MAGI1: variants seen among roughly 807,000 people sequenced by gnomAD.
MAGI1 encodes membrane-associated guanylate kinase, WW and PDZ domain-containing protein 1.
In MAGI1, 58 loss-of-function variants were observed where a neutral mutation model predicts 139.9. The observed-to-expected ratio is 0.41, with a 90% CI of 0.34 to 0.52. The LOEUF is 0.52. Ranked by LOEUF, MAGI1 falls within the 20% of genes least tolerant of loss-of-function variation. The pLI is 0.12. For missense variants in MAGI1, 1,874 were observed against 1,901.6 expected (o/e 0.99, Z 0.27); for synonymous variants, 812 against 737.9 (o/e 1.10, Z -1.63).
At chr3:65,796,679 T>A (rs1048602989) in intron 1 of MAGI1, among the ~76,000 whole-genome samples, 3 of 152,232 alleles carry the variant, frequency 2.0e-5, no homozygotes, top group African/African-American at 7.2e-5. Flanking sequence ...TGAATAATAA[T>A]ATGCTATTCC....
chr3:65,367,683 A>G (rs1941566568), intron 18 of MAGI1, among the ~76,000 whole-genome samples: 1 of 152,150 alleles, frequency 6.6e-6, no homozygotes, highest in African/African-American at 2.4e-5. Context: ...AATGTAGGTA[A>G]TATGTCTAAG....
chr3:65,375,482 C>T (rs995959242), intron 18 of MAGI1, among the ~76,000 whole-genome samples: 5 of 152,130 alleles, frequency 3.3e-5, no homozygotes, highest in African/African-American at 7.2e-5. Context: ...CCACCGCACC[C>T]GGCCTGAAAC....
chr3:65,819,875 C>CAAAAAAAAAAAAAAAAAGAAAAAA (rs2041840668), intron 1 of MAGI1, among the ~76,000 whole-genome samples: 1 of 33,454 alleles, frequency 3.0e-5, no homozygotes, highest in African/African-American at 8.5e-5. Flanking sequence ...GACTCCATCT[C>CAAAAAAAAAAAAAAAAAGAAAAAA]AAAAAAAAAA....
chr3:65,874,268 A>G (rs1302590374), intron 1 of MAGI1: 1 of 152,200 alleles, frequency 6.6e-6, no homozygotes, highest in Non-Finnish European at 1.5e-5. Context: ...CTTGGGAGGT[A>G]AACTCTGTCT....
At chr3:65,846,688 C>A (rs1243091314) in intron 1 of MAGI1, among the ~76,000 whole-genome samples, 2 of 152,072 alleles carry the variant, frequency 1.3e-5, no homozygotes, top group East Asian at 3.9e-4. Context: ...ATTATTGCCA[C>A]CACAGATGGC....
At chr3:65,856,882 G>A (rs746794167) in intron 1 of MAGI1, among the ~76,000 whole-genome samples, 9 of 152,144 alleles carry the variant, frequency 5.9e-5, no homozygotes, top group Admixed American at 5.2e-4. Flanking sequence ...GACGCCTAAC[G>A]GAAGGGGAAC....
At chr3:65,872,602 C>T (rs1262036578) in intron 1 of MAGI1, among the ~76,000 whole-genome samples, 1 of 152,222 alleles carries the variant, frequency 6.6e-6, no homozygotes. Flanking sequence ...TTTATGTCTA[C>T]CAAAACACTC....
chr3:65,626,468 G>A (rs1476694487), intron 1 of MAGI1, among the ~76,000 whole-genome samples: 1 of 152,110 alleles, frequency 6.6e-6, no homozygotes, highest in Non-Finnish European at 1.5e-5. Context: ...GGGACTACAG[G>A]CATGCACCAT....
intron 1 of MAGI1, among the ~76,000 whole-genome samples, chr3:65,909,218 A>G (rs2061559320): frequency 2.0e-5 from 3 of 152,118 alleles, no homozygotes. Context: ...TTATTTCCAT[A>G]GCCCACCTTT....
chr3:66,027,382 C>T (rs2107581072), intron 1 of MAGI1, among the ~76,000 whole-genome samples: 1 of 152,256 alleles, frequency 6.6e-6, no homozygotes, highest in South Asian at 2.1e-4. Flanking sequence ...TAGCTCACTG[C>T]AGCCTCGGAC....
At chr3:66,013,588 C>T (rs1290958379) in intron 1 of MAGI1, among the ~76,000 whole-genome samples, 1 of 151,336 alleles carries the variant, frequency 6.6e-6, no homozygotes, top group Non-Finnish European at 1.5e-5. Flanking sequence ...AGTGAAACTC[C>T]GTCTCTACTA....
chr3:65,413,082 A>T (rs1371670401), intron 12 of MAGI1, among the ~76,000 whole-genome samples: 2 of 73,034 alleles, frequency 2.7e-5, no homozygotes, highest in African/African-American at 1.2e-4. Flanking sequence ...ACACATGCTG[A>T]TGAAAAAAAA....
chr3:66,018,112 G>GT (rs1160900957), intron 1 of MAGI1, among the ~76,000 whole-genome samples: 8 of 121,752 alleles, frequency 6.6e-5, no homozygotes, highest in South Asian at 3.0e-4. Flanking sequence ...GGACACTTTG[G>GT]TGGGGGGGGG....
At chr3:65,802,859 T>TGTGTGTGTGTGTGTGC (rs2040603815) in intron 1 of MAGI1, among the ~76,000 whole-genome samples, 2 of 150,874 alleles carry the variant, frequency 1.3e-5, no homozygotes, top group Non-Finnish European at 3.0e-5. Context: ...TGTGTGTGTG[T>TGTGTGTGTGTGTGTGC]GTGTGTGTGT....
intron 1 of MAGI1, among the ~76,000 whole-genome samples, chr3:65,912,178 G>C (rs2061697430): frequency 6.9e-6 from 1 of 144,306 alleles, no homozygotes; most frequent in Non-Finnish European, 1.5e-5. Flanking sequence ...AGCTATTTAA[G>C]TTTAAATGAA....
chr3:65,913,299 G>C (rs139763748), intron 1 of MAGI1, among the ~76,000 whole-genome samples: 1 of 152,144 alleles, frequency 6.6e-6, no homozygotes, highest in East Asian at 1.9e-4. Flanking sequence ...ACACTTCCAA[G>C]CCATGAAGTT....
At chr3:65,879,027 G>A (rs1482156884) in intron 1 of MAGI1, among the ~76,000 whole-genome samples, 1 of 152,052 alleles carries the variant, frequency 6.6e-6, no homozygotes, top group Non-Finnish European at 1.5e-5. Context: ...GTCAATACAA[G>A]CCTCACTTTA....
At chr3:65,785,047 G>A (rs2039271759) in intron 1 of MAGI1, among the ~76,000 whole-genome samples, 1 of 152,140 alleles carries the variant, frequency 6.6e-6, no homozygotes, top group African/African-American at 2.4e-5. Flanking sequence ...ACTGATAGTC[G>A]CACACGCTGT....
intron 1 of MAGI1, among the ~76,000 whole-genome samples, chr3:65,646,287 C>G (rs949441176): frequency 6.6e-6 from 1 of 151,574 alleles, no homozygotes; most frequent in African/African-American, 2.4e-5. Context: ...AGCAAAGAAA[C>G]TTAACATAGA....
Sources: gnomAD v4.1 joint callset for allele counts (sites outside exome capture counted in the v4.1 genomes callset) on GRCh38, gnomAD v4.1.1 for gene constraint, MANE v1.5 for transcripts, NCBI Gene and HGNC (gene_info 2026-07-23, HGNC 2026-07-21) for gene names.